The following TRPM8 variants were observed in gnomAD, a reference collection of about 807,000 sequenced individuals.
The protein encoded by TRPM8 is TRPM8 cationic channel.
Under a neutral mutation model 133.7 loss-of-function variants are expected in TRPM8, and 110 were observed. The ratio of observed to expected loss-of-function variants is 0.82; its 90% confidence interval spans 0.70 to 0.96. The LOEUF (loss-of-function observed/expected upper bound fraction) is 0.96, where lower values mean the gene tolerates loss of function less well. Among genes scored for constraint, TRPM8 ranks in the 40% least tolerant of loss-of-function variants. The probability of loss-of-function intolerance (pLI) is 0.00; values close to 1 mark genes in which losing one functional copy is unlikely to be tolerated. For synonymous variants in TRPM8, 535 were observed against 532.3 expected (o/e 1.01, Z -0.07); for missense variants, 1,291 against 1,379.5 (o/e 0.94, Z 1.02).
At chr2:234,009,572 G>A (rs1415180889) in intron 24 of TRPM8, among the ~76,000 whole-genome samples, 3 of 152,142 alleles carry the variant, frequency 2.0e-5, no homozygotes, top group Non-Finnish European at 2.9e-5. Context: ...CAGGAAGTTC[G>A]TCAGCCTGGA....
At chr2:233,920,855 ATTTTTTTT>A (rs10685994) in intron 1 of TRPM8, among the ~76,000 whole-genome samples, 1 of 129,292 alleles carries the variant, frequency 7.7e-6, no homozygotes, top group African/African-American at 2.9e-5. Context: ...AGATTTCACC[ATTTTTTTT>A]TTTTTTTTTT....
At chr2:233,936,033 C>A (rs1690726127) in intron 3 of TRPM8, among the ~76,000 whole-genome samples, 1 of 152,142 alleles carries the variant, frequency 6.6e-6, no homozygotes, top group African/African-American at 2.4e-5. Flanking sequence ...TAGCCTAAGT[C>A]ACCTTGATGG....
At position 234,018,810 on chromosome 2, in the gene TRPM8, ACT is replaced by A. The variant is rs1693020809; in HGVS notation, c.*1556_*1557del. 1 of 151,508 alleles carries A rather than the reference ACT, an allele frequency of 6.6e-6. No individual in the cohort carries two copies. The highest frequency in any genetic ancestry group is 2.4e-5 in the African/African-American group (1 of 41,208). The allele number at this position is 151,508 out of a possible 1,614,324, so 9.4% of individuals were successfully genotyped here. On this transcript the variant is annotated 3_prime_UTR_variant, in exon 26 of 26. Transcript: ENST00000324695. ...CAGTGAACCAAGATTGCACCACTGC[ACT>A]CCAGCCGGGGTGACAGAGTGAGACT...
At chr2:233,977,227 G>A (rs891777526) in intron 17 of TRPM8, among the ~76,000 whole-genome samples, 1 of 152,194 alleles carries the variant, frequency 6.6e-6, no homozygotes, top group Non-Finnish European at 1.5e-5. Flanking sequence ...TAAAATGGAT[G>A]AGTCCCATCA....
chr2:233,983,634 G>A (rs980339113), intron 20 of TRPM8, among the ~76,000 whole-genome samples: 10 of 152,188 alleles, frequency 6.6e-5, no homozygotes, highest in Admixed American at 1.3e-4. Context: ...GACTTCTGGC[G>A]TGCGTTAGCC....
At chr2:233,990,910 T>C (rs958608050) in intron 21 of TRPM8, among the ~76,000 whole-genome samples, 1 of 152,166 alleles carries the variant, frequency 6.6e-6, no homozygotes, top group Non-Finnish European at 1.5e-5. Flanking sequence ...TGGAAACATA[T>C]GAATATAATA....
intron 24 of TRPM8, among the ~76,000 whole-genome samples, chr2:234,009,240 C>T (rs540342358): frequency 6.6e-6 from 1 of 152,290 alleles, no homozygotes; most frequent in East Asian, 1.9e-4. Flanking sequence ...GAGTTAGATG[C>T]GCTGGGAACT....
chr2:233,939,200 G>A (rs780611206), intron 5 of TRPM8, 25 bp downstream of exon 5: 2 of 1,610,506 alleles, frequency 1.2e-6, no homozygotes, highest in African/African-American at 1.3e-5. Flanking sequence ...AGCGACCGCG[G>A]GTTCTTCCAT....
rs1249145633 is a variant in TRPM8, at chr2:233,981,244, G to C, written c.2448-530G>C. ...GCCTCCCTTTCTGGTTGGGTTTAAG[G>C]TTTCAGCATTTGAGCCACAGTTGGT... On this transcript the variant is annotated intron_variant, in intron 18 of 25. Transcript: ENST00000324695. Among the ~76,000 whole-genome samples the C allele has an allele frequency of 2.0e-5, 3 of 152,082 alleles. No homozygotes were observed. The East Asian group carries it at 5.8e-4, about 29-fold the overall frequency.
chr2:233,926,893 C>T (rs1283833599), intron 2 of TRPM8, among the ~76,000 whole-genome samples: 1 of 152,144 alleles, frequency 6.6e-6, no homozygotes, highest in Non-Finnish European at 1.5e-5. Context: ...GTAATGGCCT[C>T]CTAGCTGCAC....
intron 9 of TRPM8, among the ~76,000 whole-genome samples, chr2:233,953,205 G>T (rs1368667877): frequency 6.6e-6 from 1 of 152,144 alleles, no homozygotes; most frequent in Non-Finnish European, 1.5e-5. Flanking sequence ...CAAACAGCCA[G>T]ACCCTGAGAC....
intron 1 of TRPM8, among the ~76,000 whole-genome samples, chr2:233,924,446 G>A (rs557764200): frequency 2.0e-5 from 3 of 152,108 alleles, no homozygotes; most frequent in Non-Finnish European, 1.5e-5. Context: ...CAGGCCTTAA[G>A]TTCCTTCTTC....
chr2:234,017,049 T>G (rs1430814073), intron 25 of TRPM8, among the ~76,000 whole-genome samples: 1 of 152,192 alleles, frequency 6.6e-6, no homozygotes, highest in Admixed American at 6.5e-5. Flanking sequence ...TGAGTTTGAA[T>G]GAGTTGAGCC....
chr2:233,985,618 C>T, intron 20 of TRPM8, 70 bp from the exon 21 acceptor site: 2 of 1,438,388 alleles, frequency 1.4e-6, no homozygotes, highest in Admixed American at 1.7e-5. Flanking sequence ...GTTCTTGTGG[C>T]CCTGGGAATG....
intron 1 of TRPM8, among the ~76,000 whole-genome samples, chr2:233,917,788 A>C (rs773354108): frequency 1.3e-5 from 2 of 151,304 alleles, no homozygotes; most frequent in African/African-American, 4.9e-5. Context: ...GCAACTGACT[A>C]TCTGAAGCAA....
At chr2:233,987,221 A>G (rs545721289) in intron 21 of TRPM8, among the ~76,000 whole-genome samples, 1 of 152,360 alleles carries the variant, frequency 6.6e-6, no homozygotes, top group South Asian at 2.1e-4. Context: ...CTCTTAAAAG[A>G]CAAAGTTTGA....
chr2:233,994,404 T>C (rs1692354015), intron 21 of TRPM8, among the ~76,000 whole-genome samples: 1 of 152,212 alleles, frequency 6.6e-6, no homozygotes, highest in South Asian at 2.1e-4. Context: ...CTAAGTAATC[T>C]ACCACTCAGG....
chr2:233,955,392 C>T, intron 11 of TRPM8, 142 bp downstream of exon 11: 1 of 617,494 alleles, frequency 1.6e-6, no homozygotes, highest in South Asian at 2.2e-5. Flanking sequence ...ATTGCTGAGG[C>T]TTAATTTCCT....
intron 1 of TRPM8, among the ~76,000 whole-genome samples, chr2:233,924,593 T>G (rs1574685908): frequency 1.3e-5 from 2 of 152,152 alleles, no homozygotes; most frequent in Admixed American, 1.3e-4. Flanking sequence ...TCAACTGGTC[T>G]CAGAGAACCA....
Sources: allele counts gnomAD v4.1 joint callset (sites outside exome capture counted in the v4.1 genomes callset), GRCh38; gene constraint gnomAD v4.1.1; transcripts MANE v1.5; gene names NCBI Gene and HGNC (gene_info 2026-07-23, HGNC 2026-07-21).